ADK: variants seen among roughly 807,000 people sequenced by gnomAD.
ADK encodes the protein N6,N6-dimethyladenosine kinase.
In ADK, 24 loss-of-function variants were observed where a neutral mutation model predicts 44.7. The ratio of observed to expected loss-of-function variants is 0.54; its 90% confidence interval spans 0.39 to 0.76. The LOEUF is 0.76. Ranked by LOEUF, ADK falls within the 30% of genes least tolerant of loss-of-function variation. ADK has a pLI of 0.00. For missense variants in ADK, 321 were observed against 425.1 expected (o/e 0.76, Z 2.15); for synonymous variants, 128 against 142.6 (o/e 0.90, Z 0.73).
At chr10:74,617,752 C>T (rs887275923) in intron 9 of ADK, among the ~76,000 whole-genome samples, 19 of 151,780 alleles carry the variant, frequency 1.3e-4, no homozygotes, top group Admixed American at 2.0e-4. Context: ...CGTACCACCA[C>T]GCTAATTTTT....
chr10:74,424,681 A>G (rs1020801833), intron 6 of ADK, among the ~76,000 whole-genome samples: 24 of 151,812 alleles, frequency 1.6e-4, no homozygotes, highest in Middle Eastern at 3.4e-3. Flanking sequence ...CTGTTCTACC[A>G]TATCTCATAA....
At chr10:74,329,389 A>G (rs1367494048) in intron 4 of ADK, among the ~76,000 whole-genome samples, 1 of 152,128 alleles carries the variant, frequency 6.6e-6, no homozygotes, top group Non-Finnish European at 1.5e-5. Context: ...CTGTCACCAA[A>G]CTCTGTCTCA....
intron 4 of ADK, among the ~76,000 whole-genome samples, chr10:74,382,949 G>T (rs1200505185): frequency 1.3e-5 from 2 of 151,670 alleles, no homozygotes; most frequent in African/African-American, 4.8e-5. Context: ...ATGTTTATTG[G>T]ATTTTCCCCC....
chr10:74,201,498 C>T (rs970663249), intron 2 of ADK, among the ~76,000 whole-genome samples: 2 of 152,072 alleles, frequency 1.3e-5, no homozygotes, highest in African/African-American at 2.4e-5. Context: ...ACTTTTATTA[C>T]AGTATATTTT....
chr10:74,446,388 G>A (rs1471109903), intron 6 of ADK, among the ~76,000 whole-genome samples: 2 of 152,038 alleles, frequency 1.3e-5, no homozygotes, highest in Admixed American at 6.5e-5. Flanking sequence ...TTCAAAGAGA[G>A]CTTATTAACC....
At chr10:74,402,505 A>G (rs537851568) in intron 6 of ADK, among the ~76,000 whole-genome samples, 1 of 152,120 alleles carries the variant, frequency 6.6e-6, no homozygotes, top group East Asian at 1.9e-4. Flanking sequence ...ATCTTCAATC[A>G]CTGATACCCT....
At chr10:74,699,614 TTGCA>T (rs1393726090) in intron 10 of ADK, among the ~76,000 whole-genome samples, 2 of 152,028 alleles carry the variant, frequency 1.3e-5, no homozygotes, top group Non-Finnish European at 2.9e-5. Context: ...GAGGCGGAGG[TTGCA>T]GTGAGCCAAG....
At chr10:74,343,440 A>C (rs530130739) in intron 4 of ADK, among the ~76,000 whole-genome samples, 22 of 152,278 alleles carry the variant, frequency 1.4e-4, no homozygotes, top group Middle Eastern at 3.4e-3. Context: ...GTTTCGTGAG[A>C]AAAGTCATCA....
chr10:74,277,741 G>T (rs952030766), intron 3 of ADK, among the ~76,000 whole-genome samples: 3 of 152,028 alleles, frequency 2.0e-5, no homozygotes, highest in Non-Finnish European at 4.4e-5. Flanking sequence ...GATTGTTTGG[G>T]AATTGTTTAG....
chr10:74,188,169 A>G (rs1254725350), intron 1 of ADK, among the ~76,000 whole-genome samples: 1 of 152,066 alleles, frequency 6.6e-6, no homozygotes, highest in Admixed American at 6.6e-5. Flanking sequence ...AGTTCATAAA[A>G]TTTCCTAATA....
chr10:74,595,910 T>C (rs950286861), intron 8 of ADK, among the ~76,000 whole-genome samples: 1 of 146,032 alleles, frequency 6.8e-6, no homozygotes, highest in African/African-American at 2.6e-5. Flanking sequence ...GGCAGGAGAA[T>C]CACTTGAACC....
intron 1 of ADK, among the ~76,000 whole-genome samples, chr10:74,171,325 C>T (rs1353562996): frequency 6.6e-6 from 1 of 152,096 alleles, no homozygotes; most frequent in Non-Finnish European, 1.5e-5. Flanking sequence ...TAGAAATGTA[C>T]TAATTTATAC....
intron 3 of ADK, among the ~76,000 whole-genome samples, chr10:74,314,111 A>T (rs534852574): frequency 1.3e-5 from 2 of 152,148 alleles, no homozygotes; most frequent in South Asian, 4.1e-4. Flanking sequence ...TACATAAAAC[A>T]TATTTTTTGA....
intron 7 of ADK, among the ~76,000 whole-genome samples, chr10:74,587,112 A>G (rs1851556271): frequency 6.6e-6 from 1 of 152,082 alleles, no homozygotes; most frequent in Non-Finnish European, 1.5e-5. Context: ...GTTCCATATA[A>G]ATAAGTGGTT....
chr10:74,405,232 T>G (rs1216748033), intron 6 of ADK, among the ~76,000 whole-genome samples: 2 of 152,140 alleles, frequency 1.3e-5, no homozygotes, highest in African/African-American at 4.8e-5. Context: ...CACAGAGCAC[T>G]AAGGGGTCCC....
intron 10 of ADK, among the ~76,000 whole-genome samples, chr10:74,687,994 G>A (rs1373452354): frequency 1.3e-5 from 2 of 152,026 alleles, no homozygotes; most frequent in African/African-American, 4.8e-5. Flanking sequence ...ACTGCACTTA[G>A]CCTAAAAATC....
At position 74,373,274 on chromosome 10, in the gene ADK, TTAGA is replaced by T. The variant is rs569266825; in HGVS notation, c.274-20863_274-20860del. Among the ~76,000 whole-genome samples the T allele has an allele frequency of 1.9e-4, 29 of 152,246 alleles. No individual in the cohort carries two copies. In the East Asian group the frequency reaches 4.6e-3, roughly 24 times the overall value. ...TGGGATATGAGCTGGCAAATGATTC[TTAGA>T]TAGGTCACCAAAAGCATGAGCAATA... On this transcript the variant is annotated intron_variant, in intron 4 of 10. Coordinates refer to ENST00000539909, the MANE Select transcript of ADK (RefSeq NM_006721.4).
At chr10:74,595,176 CAAAA>C (rs781407492) in intron 8 of ADK, among the ~76,000 whole-genome samples, 1 of 29,610 alleles carries the variant, frequency 3.4e-5, no homozygotes, top group Non-Finnish European at 6.9e-5. Flanking sequence ...AACTCCATCT[CAAAA>C]AAAAAAAAAA....
chr10:74,698,806 G>A (rs1282816956), intron 10 of ADK, among the ~76,000 whole-genome samples: 2 of 151,954 alleles, frequency 1.3e-5, no homozygotes, highest in African/African-American at 4.8e-5. Context: ...TGATCTGGGT[G>A]CCTCAGCCTC....
Sources: gnomAD v4.1 joint callset for allele counts (sites outside exome capture counted in the v4.1 genomes callset) on GRCh38, gnomAD v4.1.1 for gene constraint, MANE v1.5 for transcripts, NCBI Gene and HGNC (gene_info 2026-07-23, HGNC 2026-07-21) for gene names.